SKAP2: variants seen among roughly 807,000 people sequenced by gnomAD.
SKAP2 encodes src kinase associated phosphoprotein 2, also known as src kinase-associated phosphoprotein 2.
SKAP2 carries 28 observed loss-of-function variants against 54.9 expected under a neutral mutation model. The observed-to-expected ratio is 0.51, with a 90% CI of 0.38 to 0.70. The LOEUF is 0.70. Among genes scored for constraint, SKAP2 ranks in the 30% least tolerant of loss-of-function variants. The pLI is 0.00. For synonymous variants in SKAP2, 137 were observed against 134.3 expected (o/e 1.02, Z -0.14); for missense variants, 356 against 424.1 (o/e 0.84, Z 1.41).
At chr7:26,807,474 T>A (rs1320093197) in intron 4 of SKAP2, among the ~76,000 whole-genome samples, 1 of 152,202 alleles carries the variant, frequency 6.6e-6, no homozygotes, top group Admixed American at 6.5e-5. Context: ...AGAAGCTGCT[T>A]GTGTCTCTTT....
chr7:26,719,721 A>C (rs992979515), intron 9 of SKAP2, among the ~76,000 whole-genome samples: 1 of 151,990 alleles, frequency 6.6e-6, no homozygotes, highest in Non-Finnish European at 1.5e-5. Flanking sequence ...TTTCAATACT[A>C]CTCCTTGAAG....
intron 6 of SKAP2, among the ~76,000 whole-genome samples, chr7:26,732,772 T>C (rs1787847299): frequency 6.6e-6 from 1 of 152,204 alleles, no homozygotes; most frequent in Admixed American, 6.5e-5. Flanking sequence ...ATGCCAATGC[T>C]AAATCAGCCA....
At chr7:26,858,399 G>T (rs1299560316) in intron 1 of SKAP2, among the ~76,000 whole-genome samples, 3 of 152,170 alleles carry the variant, frequency 2.0e-5, no homozygotes, top group Non-Finnish European at 4.4e-5. Context: ...CGGTACAGCT[G>T]TAAGGATCTG....
At chr7:26,741,194 T>C (rs905660593) in intron 4 of SKAP2, among the ~76,000 whole-genome samples, 1 of 152,060 alleles carries the variant, frequency 6.6e-6, no homozygotes, top group Non-Finnish European at 1.5e-5. Flanking sequence ...AGAGTGACTA[T>C]AGTCAACAAT....
In SKAP2 at chr7:26,787,220, T is replaced by C. The variant is rs1031036899; in HGVS notation, c.308-47256A>G. ...CACTGCTATAAAAAATATCTTGGACTGGGTAATTTATAAAGAAAAGAGGTT... is the reference window on the plus strand; with the variant it reads ...CACTGCTATAAAAAATATCTTGGACCGGGTAATTTATAAAGAAAAGAGGTT... On this transcript the variant is annotated intron_variant, in intron 4 of 12. Coordinates refer to ENST00000345317, the MANE Select transcript of SKAP2 (RefSeq NM_003930.5). 4.6e-5 allele frequency among the ~76,000 whole-genome samples: 7 copies of C among 152,194 alleles called. 1 individual carries two copies.
chr7:26,655,867 T>C, the SKAP2 span, among the ~76,000 whole-genome samples: 8 of 152,204 alleles, frequency 5.3e-5, no homozygotes, highest in African/African-American at 1.9e-4. Context: ...AGCTGTCACA[T>C]GGAGACTATT....
intron 11 of SKAP2, among the ~76,000 whole-genome samples, chr7:26,680,659 A>G (rs1786470387): frequency 6.6e-6 from 1 of 152,222 alleles, no homozygotes; most frequent in Non-Finnish European, 1.5e-5. Context: ...TAATTTTAAC[A>G]CATAAAAAAA....
intron 10 of SKAP2, among the ~76,000 whole-genome samples, chr7:26,685,566 G>A (rs1410259220): frequency 1.3e-5 from 2 of 152,108 alleles, no homozygotes; most frequent in African/African-American, 4.8e-5. Context: ...AAATAAACAT[G>A]CAACATACAC....
intron 4 of SKAP2, among the ~76,000 whole-genome samples, chr7:26,836,590 C>T (rs1385329847): frequency 6.6e-6 from 1 of 152,182 alleles, no homozygotes; most frequent in African/African-American, 2.4e-5. Flanking sequence ...AGAAGAAAAG[C>T]TCATCATCAC....
Position 26,860,706 on chromosome 7 carries a change from C to T in SKAP2, c.67+3657G>A, listed in dbSNP as rs148800252. 3.2e-3 allele frequency among the ~76,000 whole-genome samples: 491 copies of T among 151,826 alleles called. 6 individuals carry two copies. Among genetic ancestry groups the T allele is most frequent in the African/African-American group, 0.011 (464 of 41,408 alleles). Reference sequence around the variant, plus strand: ...AACTTTGGAAAGGTGGAAATTAAACCGTAATATACTCAGCATTGAAAAAAT... The same window carrying T: ...AACTTTGGAAAGGTGGAAATTAAACTGTAATATACTCAGCATTGAAAAAAT... On this transcript the variant is annotated intron_variant, in intron 1 of 12. Coordinates refer to ENST00000345317, the MANE Select transcript of SKAP2 (RefSeq NM_003930.5).
intron 11 of SKAP2, among the ~76,000 whole-genome samples, chr7:26,680,996 A>T (rs1245691817): frequency 1.3e-5 from 2 of 152,222 alleles, no homozygotes; most frequent in African/African-American, 2.4e-5. Context: ...AATCACCCCC[A>T]GGTTGACTGA....
chr7:26,843,930 C>T (rs982444246), intron 4 of SKAP2, 100 bp downstream of exon 4: 10 of 719,658 alleles, frequency 1.4e-5, no homozygotes, highest in African/African-American at 5.4e-5. Context: ...GTAAGTTAAC[C>T]GAAGCCTCTA....
At chr7:26,720,142 T>G (rs1430713316) in intron 9 of SKAP2, among the ~76,000 whole-genome samples, 1 of 151,668 alleles carries the variant, frequency 6.6e-6, no homozygotes, top group Non-Finnish European at 1.5e-5. Context: ...CCAAACATAC[T>G]CTGGGGTCAA....
At chr7:26,723,496 G>A (rs1017680442) in intron 9 of SKAP2, among the ~76,000 whole-genome samples, 2 of 152,138 alleles carry the variant, frequency 1.3e-5, no homozygotes, top group African/African-American at 4.8e-5. Flanking sequence ...ACAGCAAGAA[G>A]TAACACTACT....
At chr7:26,732,848 G>A (rs1174007616) in intron 6 of SKAP2, among the ~76,000 whole-genome samples, 1 of 152,160 alleles carries the variant, frequency 6.6e-6, no homozygotes, top group Non-Finnish European at 1.5e-5. Flanking sequence ...AACATTCGTG[G>A]TCATCAGACC....
chr7:26,678,648 C>T (rs1262351295), intron 11 of SKAP2, among the ~76,000 whole-genome samples: 1 of 151,972 alleles, frequency 6.6e-6, no homozygotes, highest in African/African-American at 2.4e-5. Context: ...ACCATGTTGG[C>T]CAGGTTGGTC....
At chr7:26,816,167 A>G (rs945385956) in intron 4 of SKAP2, among the ~76,000 whole-genome samples, 3 of 152,160 alleles carry the variant, frequency 2.0e-5, no homozygotes, top group Non-Finnish European at 2.9e-5. Flanking sequence ...TGTGCTATAT[A>G]AAGAATGCTA....
chr7:26,805,796 G>T (rs1328058093), intron 4 of SKAP2, among the ~76,000 whole-genome samples: 2 of 152,262 alleles, frequency 1.3e-5, no homozygotes, highest in African/African-American at 4.8e-5. Flanking sequence ...AGAATAAAAG[G>T]TTTATTACTT....
intron 4 of SKAP2, among the ~76,000 whole-genome samples, chr7:26,785,722 C>T (rs1255302467): frequency 6.6e-6 from 1 of 152,066 alleles, no homozygotes; most frequent in Admixed American, 6.6e-5. Flanking sequence ...TAAGAAATCC[C>T]CATTTCTTTT....
Sources: allele counts gnomAD v4.1 joint callset (sites outside exome capture counted in the v4.1 genomes callset), GRCh38; gene constraint gnomAD v4.1.1; transcripts MANE v1.5; gene names NCBI Gene and HGNC (gene_info 2026-07-23, HGNC 2026-07-21).